The following WDR33 variants were observed in gnomAD, a reference collection of about 807,000 sequenced individuals.
The protein encoded by WDR33 is WD repeat domain 33.
WDR33 carries 47 observed loss-of-function variants against 164.9 expected under a neutral mutation model. The observed-to-expected ratio is 0.29, with a 90% CI of 0.23 to 0.36. WDR33 has a LOEUF of 0.36. WDR33 is among the 10% of genes least tolerant of loss of function. WDR33 has a pLI of 1.00. For synonymous variants in WDR33, 505 were observed against 589.0 expected (o/e 0.86, Z 2.06); for missense variants, 1,137 against 1,754.1 (o/e 0.65, Z 6.28).
chr2:127,731,858 G>A (rs574790775), intron 7 of WDR33, among the ~76,000 whole-genome samples: 72 of 152,226 alleles, frequency 4.7e-4, no homozygotes, highest in Non-Finnish European at 8.5e-4. Context: ...GGCTGAGGCC[G>A]AAGAATTCCT....
chr2:127,750,677 A>ATATAT (rs1553475055), intron 7 of WDR33, among the ~76,000 whole-genome samples: 2 of 35,800 alleles, frequency 5.6e-5, no homozygotes, highest in Non-Finnish European at 8.8e-5. Context: ...AAAAAAAAAA[A>ATATAT]ATATATATAT....
chr2:127,713,466 G>T lies in WDR33; in HGVS notation c.3308+117C>A. The T allele has an allele frequency of 1.7e-6, 2 of 1,181,942 alleles. No homozygotes were observed. Among genetic ancestry groups the T allele is most frequent in the Non-Finnish European group, 2.4e-6 (2 of 827,820 alleles). The allele number at this position is 1,181,942 out of a possible 1,614,324, so 73.2% of individuals were successfully genotyped here. ...CAAATGCAAACTCTACAGAGTGCAG[G>T]GCTGGTAATTGATATAATTCTCTTT... is the stretch of plus-strand genomic sequence containing the variant. On this transcript the variant is annotated intron_variant, in intron 18 of 21. Coordinates refer to ENST00000322313, the MANE Select transcript of WDR33 (RefSeq NM_018383.5). This position sits in a 1 kb window ranked among gnomAD's most constrained non-coding sequence, Gnocchi z 6.2.
chr2:127,768,889 CAAGG>C, intron 3 of WDR33, 40 bp downstream of exon 3: 1 of 1,460,252 alleles, frequency 6.8e-7, no homozygotes, highest in Non-Finnish European at 9.5e-7. Context: ...AATATTCAAG[CAAGG>C]AAGTGTTTAT....
At chr2:127,781,986 G>A (rs1374114120) in intron 1 of WDR33, among the ~76,000 whole-genome samples, 5 of 112,388 alleles carry the variant, frequency 4.4e-5, no homozygotes, top group African/African-American at 1.8e-4. Flanking sequence ...CAAGAAGAGC[G>A]AAACTCTTTT....
chr2:127,805,068 C>CTTTTTTTTTT lies in WDR33; in HGVS notation c.-24+5934_-24+5943dup, dbSNP rs201681607. On this transcript the variant is annotated intron_variant, in intron 1 of 21. Coordinates refer to ENST00000322313, the MANE Select transcript of WDR33 (RefSeq NM_018383.5). ...CGTATCATCACCTGTGAAGTTTTTT[C>CTTTTTTTTTT]TTTTTTTTTTTTTTTTTTTTTTTTT... Among the ~76,000 whole-genome samples, 40 of 84,418 alleles carry CTTTTTTTTTT rather than the reference C, an allele frequency of 4.7e-4. 2 individuals carry two copies. The highest frequency in any genetic ancestry group is 1.1e-3 in the East Asian group (3 of 2,716). The allele number at this position is 84,418 out of a possible 152,430, so 55.4% of individuals were successfully genotyped here. A position where few individuals can be genotyped will look rare whatever the true frequency, so the allele number is the denominator to read the frequency against.
At chr2:127,765,532 C>T (rs1381603295) in intron 4 of WDR33, among the ~76,000 whole-genome samples, 1 of 152,064 alleles carries the variant, frequency 6.6e-6, no homozygotes, top group African/African-American at 2.4e-5. Context: ...CTAAATTACA[C>T]ACACGTATGC....
Position 127,701,990 on chromosome 2 carries a change from C to T in WDR33, c.*4333G>A. 2 of 1,340,806 alleles carry T rather than the reference C, an allele frequency of 1.5e-6. No homozygotes were observed. Among genetic ancestry groups the T allele is most frequent in the Non-Finnish European group, 1.9e-6 (2 of 1,049,290 alleles). 83.1% of individuals were successfully genotyped at this position (1,340,806 alleles called of 1,614,324 possible). ...CGCTGCTCTACATGGCAGCGCTGGG[C>T]GCCACGCTGTTCGCCGCGCTGGGCC... On this transcript the variant is annotated 3_prime_UTR_variant, in exon 22 of 22. Coordinates refer to ENST00000322313, the MANE Select transcript of WDR33 (RefSeq NM_018383.5).
Position 127,719,132 on chromosome 2 carries a change from G to T in WDR33, c.2760+133C>A. ...ATTTCATTCTTCAGCCAGGATGCTA[G>T]TATCTTAAGCTACTGTCACTACTTG... On this transcript the variant is annotated intron_variant, in intron 16 of 21. Coordinates refer to ENST00000322313, the MANE Select transcript of WDR33 (RefSeq NM_018383.5). This position sits in a 1 kb window ranked among gnomAD's most constrained non-coding sequence, Gnocchi z 6.5. The T allele has an allele frequency of 8.8e-7, 1 of 1,138,028 alleles. No individual in the cohort carries two copies. Among genetic ancestry groups the T allele is most frequent in the Non-Finnish European group, 1.1e-6 (1 of 876,742 alleles). The allele number at this position is 1,138,028 out of a possible 1,614,324, so 70.5% of individuals were successfully genotyped here. A position where few individuals can be genotyped will look rare whatever the true frequency, so the allele number is the denominator to read the frequency against.
intron 7 of WDR33, among the ~76,000 whole-genome samples, chr2:127,727,217 C>T (rs1686593210): frequency 6.6e-6 from 1 of 152,134 alleles, no homozygotes; most frequent in Admixed American, 6.6e-5. Flanking sequence ...TTTGGGACCA[C>T]CATTTAGGAA....
chr2:127,734,304 G>T (rs1686785074), intron 7 of WDR33, among the ~76,000 whole-genome samples: 1 of 152,160 alleles, frequency 6.6e-6, no homozygotes, highest in African/African-American at 2.4e-5. Flanking sequence ...TGAGAACAGT[G>T]AGTTTGCATC....
rs1687738444 is a variant in WDR33, at chr2:127,763,507, T to C, written c.627-348A>G. On this transcript the variant is annotated intron_variant, in intron 6 of 21. Transcript: ENST00000322313. The surrounding 1 kb of genome is among the most constrained non-coding windows in gnomAD (Gnocchi z 4.5). ...AAATAAATGGATTCTATTTTTGCAGTATTCCTGCAGTCTTTTAAATCACAC... is the reference window on the plus strand; with the variant it reads ...AAATAAATGGATTCTATTTTTGCAGCATTCCTGCAGTCTTTTAAATCACAC... 9.4e-7 allele frequency: 1 copy of C among 1,065,516 alleles called. No individual in the cohort carries two copies. Among genetic ancestry groups the C allele is most frequent in the Non-Finnish European group, 1.1e-6 (1 of 878,718 alleles). The allele number at this position is 1,065,516 out of a possible 1,614,324, so 66.0% of individuals were successfully genotyped here.
Position 127,709,871 on chromosome 2 carries a change from C to T in WDR33, c.3309-15G>A, listed in dbSNP as rs773516564. 6.2e-7 allele frequency: 1 copy of T among 1,612,724 alleles called. No individual in the cohort carries two copies. Among genetic ancestry groups the T allele is most frequent in the Admixed American group, 1.7e-5 (1 of 59,656 alleles). On this transcript the variant is annotated splice_polypyrimidine_tract_variant and intron_variant, in intron 18 of 21. Transcript: ENST00000322313. The surrounding 1 kb of genome is among the most constrained non-coding windows in gnomAD (Gnocchi z 5.0). ...CTCTTCTGAAACTGTAAAGAGAAAA[C>T]AGCAGAATGTCCATCTCAGAGAACA...
intron 2 of WDR33, among the ~76,000 whole-genome samples, 187 bp from the exon 3 acceptor site, chr2:127,769,188 T>C (rs185680279): frequency 5.7e-4 from 87 of 152,270 alleles, no homozygotes; most frequent in African/African-American, 2.0e-3. Flanking sequence ...CTGATCCTAC[T>C]AACATTGCTT....
At chr2:127,736,990 A>C (rs1392101518) in intron 7 of WDR33, 1 of 985,318 alleles carries the variant, frequency 1.0e-6, no homozygotes, top group African/African-American at 1.7e-5. Flanking sequence ...ATATTATTCC[A>C]AAACACTGCC....
chr2:127,738,858 A>C lies in WDR33; in HGVS notation c.725-12081T>G, dbSNP rs1262097667. Reference sequence around the variant, plus strand: ...TCTGTAAATAATTTTCTTGATTAAAATGAAGAGGAGGAGGAGAATGGAACA... The same window carrying C: ...TCTGTAAATAATTTTCTTGATTAAACTGAAGAGGAGGAGGAGAATGGAACA... On this transcript the variant is annotated intron_variant, in intron 7 of 21. Transcript: ENST00000322313. The surrounding 1 kb of genome is among the most constrained non-coding windows in gnomAD (Gnocchi z 4.4). 1.3e-5 allele frequency among the ~76,000 whole-genome samples: 2 copies of C among 152,342 alleles called. No individual in the cohort carries two copies. The highest frequency in any genetic ancestry group is 2.1e-4 in the South Asian group (1 of 4,830).
chr2:127,731,151 T>C (rs1035913461), intron 7 of WDR33, among the ~76,000 whole-genome samples: 5 of 151,724 alleles, frequency 3.3e-5, no homozygotes, highest in Non-Finnish European at 1.5e-5. Flanking sequence ...AAAAATTAGC[T>C]GGGCATGGTG....
chr2:127,791,875 T>C, intron 1 of WDR33, among the ~76,000 whole-genome samples: 1 of 152,142 alleles, frequency 6.6e-6, no homozygotes, highest in East Asian at 1.9e-4. Flanking sequence ...AGTAGTTTTA[T>C]CCATTACTGC....
intron 1 of WDR33, among the ~76,000 whole-genome samples, chr2:127,794,788 C>A (rs1688967003): frequency 7.3e-6 from 1 of 136,540 alleles, no homozygotes; most frequent in South Asian, 2.5e-4. Flanking sequence ...GAGCCGAGAT[C>A]ATGCCACTGC....
rs563895679 is a variant in WDR33 at position 127,787,165 on chromosome 2, G to A, written c.-23-16161C>T. Among the ~76,000 whole-genome samples, 316 of 90,984 alleles carry A rather than the reference G, an allele frequency of 3.5e-3. 4 individuals are homozygous for A. Among genetic ancestry groups the A allele is most frequent in the African/African-American group, 0.015 (290 of 19,696 alleles). 59.7% of individuals were successfully genotyped at this position (90,984 alleles called of 152,430 possible). ...CACAGCACATGTTTCAGAGAGCACAGGGTTGGGGGTAAGGTCACAGATCAA... is the reference window on the plus strand; with the variant it reads ...CACAGCACATGTTTCAGAGAGCACAAGGTTGGGGGTAAGGTCACAGATCAA... On this transcript the variant is annotated intron_variant, in intron 1 of 21. Transcript: ENST00000322313.
Sources: gnomAD v4.1 joint callset for allele counts (sites outside exome capture counted in the v4.1 genomes callset) on GRCh38, gnomAD v4.1.1 for gene constraint, Gnocchi (gnomAD v3.1) non-coding constraint, MANE v1.5 for transcripts, NCBI Gene and HGNC (gene_info 2026-07-23, HGNC 2026-07-21) for gene names.